PCDHGB5: variants seen among roughly 807,000 people sequenced by gnomAD.
The protein encoded by PCDHGB5 is protocadherin gamma subfamily B, 5.
In PCDHGB5, 48 loss-of-function variants were observed where a neutral mutation model predicts 62.9. The ratio of observed to expected loss-of-function variants is 0.76; its 90% CI spans 0.61 to 0.97. The LOEUF (loss-of-function observed/expected upper bound fraction) is 0.97. Ranked by LOEUF, PCDHGB5 falls within the 50% of genes least tolerant of loss-of-function variation. The pLI is 0.00. For missense variants in PCDHGB5, 1,118 were observed against 1,198.6 expected (o/e 0.93, Z 0.99); for synonymous variants, 474 against 511.2 (o/e 0.93, Z 0.98).
In PCDHGB5 at chr5:141,431,913, T is replaced by C; in HGVS notation, c.2397+31389T>C. The C allele has an allele frequency of 6.2e-7, 1 of 1,614,140 alleles. No individual in the cohort carries two copies. Among genetic ancestry groups the C allele is most frequent in the Admixed American group, 1.7e-5 (1 of 60,034 alleles). On this transcript the variant is annotated intron_variant, in intron 1 of 3. Transcript: ENST00000617380. This position sits in a 1 kb window ranked among gnomAD's most constrained non-coding sequence, Gnocchi z 4.8. The stretch of plus-strand genomic sequence containing the variant: ...GAGGAAAACGGACAGGTGATCTGTT[T>C]CATCCAAGGAAATCTGCCCTTTAAA...
chr5:141,468,055 T>G (rs2099156893), intron 1 of PCDHGB5, among the ~76,000 whole-genome samples: 1 of 152,096 alleles, frequency 6.6e-6, no homozygotes, highest in Admixed American at 6.5e-5. Flanking sequence ...CCGGGCACAG[T>G]GGCTCACACC....
intron 1 of PCDHGB5, among the ~76,000 whole-genome samples, chr5:141,455,315 T>G (rs1416163436): frequency 6.6e-6 from 1 of 152,152 alleles, no homozygotes; most frequent in Non-Finnish European, 1.5e-5. Context: ...TTAGCAATTT[T>G]GTGTGTGTGT....
intron 1 of PCDHGB5, chr5:141,413,905 C>G: frequency 6.2e-7 from 1 of 1,613,338 alleles, no homozygotes; most frequent in Non-Finnish European, 8.5e-7. Context: ...TGACAACGCG[C>G]CGGTCTTCAC....
intron 1 of PCDHGB5, chr5:141,402,843 G>A (rs1370040306): frequency 5.7e-6 from 8 of 1,399,114 alleles, no homozygotes; most frequent in Non-Finnish European, 6.6e-6. Context: ...GCAAAACTCA[G>A]CCTCTTTCTT....
At chr5:141,480,859 A>G (rs1197372110) in intron 1 of PCDHGB5, among the ~76,000 whole-genome samples, 2 of 152,178 alleles carry the variant, frequency 1.3e-5, no homozygotes, top group Non-Finnish European at 2.9e-5. Context: ...AGCCTGGCCA[A>G]TATGGTGAAA....
chr5:141,475,867 G>A (rs2099377217), intron 1 of PCDHGB5: 1 of 504,884 alleles, frequency 2.0e-6, no homozygotes, highest in Non-Finnish European at 3.5e-6. Flanking sequence ...CTCATTCTTC[G>A]TGCAGTTATT....
intron 1 of PCDHGB5, chr5:141,427,962 G>T: frequency 2.5e-6 from 4 of 1,590,100 alleles, no homozygotes; most frequent in Non-Finnish European, 3.4e-6. Flanking sequence ...TGTGCCGCGG[G>T]TGCTGTACCC....
In PCDHGB5 at chr5:141,490,499, A is replaced by G. The variant is rs1269710790; in HGVS notation, c.2398-4308A>G. On this transcript the variant is annotated intron_variant, in intron 1 of 3. Coordinates refer to ENST00000617380, the MANE Select transcript of PCDHGB5 (RefSeq NM_018925.3). The surrounding 1 kb of genome is among the most constrained non-coding windows in gnomAD (Gnocchi z 5.4). ...TTGGACCGGGAGGCCACATCCCACT[A>G]TATCATCGAGCTGCTGGCCAGCGAT... 1.2e-6 allele frequency: 2 copies of G among 1,614,148 alleles called. No homozygotes were observed. Among genetic ancestry groups the G allele is most frequent in the Non-Finnish European group, 8.5e-7 (1 of 1,180,020 alleles).
At chr5:141,415,725 T>A in intron 1 of PCDHGB5, 1 of 1,437,122 alleles carries the variant, frequency 7.0e-7, no homozygotes, top group Non-Finnish European at 9.2e-7. Context: ...TGAGTAGAAT[T>A]TGATGTTTAT....
At chr5:141,482,956 CCAGCTACTTGAG>C (rs6149271) in intron 1 of PCDHGB5, among the ~76,000 whole-genome samples, 62,216 of 151,640 alleles carry the variant, frequency 0.41, 15,336 homozygotes, top group African/African-American at 0.7. Context: ...GCCTGTAATT[CCAGCTACTTGAG>C]CAGCTACTTG....
intron 1 of PCDHGB5, chr5:141,478,265 G>A: frequency 6.2e-7 from 1 of 1,614,196 alleles, no homozygotes; most frequent in African/African-American, 1.3e-5. Context: ...CATATTCAAA[G>A]TTTACAAGTG....
At position 141,399,541 on chromosome 5, in the gene PCDHGB5, G is replaced by T. The variant is rs1301909841; in HGVS notation, c.1414G>T (p.Ala472Ser). ...PPGASIAQVC[A>S]SDLDLGLNGQ... is the part of the protein sequence containing the mutation. Reference sequence around the variant, plus strand: ...TGGGGCCTCCATCGCGCAAGTCTGCGCCTCGGACCTGGACTTGGGGTTGAA... The same window carrying T: ...TGGGGCCTCCATCGCGCAAGTCTGCTCCTCGGACCTGGACTTGGGGTTGAA... Residue 472 changes from alanine to serine, a missense_variant, in exon 1 of 4, where the codon GCC (alanine) becomes TCC (serine). By Grantham distance (99) the Ala-to-Ser change is moderately conservative. This residue lies in a region of PCDHGB5 where 1,034 missense variants were observed against 1,029.1 expected (regional missense o/e 1.00). Transcript: ENST00000617380. 1.9e-6 allele frequency: 3 copies of T among 1,613,926 alleles called. No individual in the cohort carries two copies. In the Admixed American group the frequency reaches 5.0e-5, roughly 27 times the overall value.
At chr5:141,464,279 C>CAAA (rs373828487) in intron 1 of PCDHGB5, among the ~76,000 whole-genome samples, 8 of 137,748 alleles carry the variant, frequency 5.8e-5, no homozygotes, top group Admixed American at 1.5e-4. Flanking sequence ...AAAAAAAAAG[C>CAAA]AAAAAAAAAA....
In PCDHGB5 at chr5:141,423,081, C is replaced by T. The variant is rs1393904828; in HGVS notation, c.2397+22557C>T. 3.1e-6 allele frequency: 5 copies of T among 1,613,966 alleles called. No individual in the cohort carries two copies. The African/African-American group carries it at 4.0e-5, about 13-fold the overall frequency. ...TTAAGGCCAGCGAGCCGGGACTCTT[C>T]GCGGTGGGGGAGCACACGGGCGAGG... is the stretch of plus-strand genomic sequence containing the variant. On this transcript the variant is annotated intron_variant, in intron 1 of 3. Coordinates refer to ENST00000617380, the MANE Select transcript of PCDHGB5 (RefSeq NM_018925.3).
chr5:141,439,800 T>C (rs1393580217), intron 1 of PCDHGB5: 1 of 152,300 alleles, frequency 6.6e-6, no homozygotes, highest in Admixed American at 6.5e-5. Context: ...CAAGAAGAGT[T>C]TGAAAAGGGG....
Position 141,511,451 on chromosome 5 carries a change from A to G in PCDHGB5, c.*278A>G, listed in dbSNP as rs2099883797. On this transcript the variant is annotated 3_prime_UTR_variant, in exon 4 of 4. Coordinates refer to ENST00000617380, the MANE Select transcript of PCDHGB5 (RefSeq NM_018925.3). ...GGGGTTACTGTAGACACCAAGAACC[A>G]TTTGCCACACCCCGTTTAGTTACAG... is the stretch of plus-strand genomic sequence containing the variant. The G allele has an allele frequency of 4.9e-6, 3 of 606,372 alleles. No homozygotes were observed. Among genetic ancestry groups the G allele is most frequent in the Non-Finnish European group, 8.1e-6 (3 of 368,942 alleles). The allele number at this position is 606,372 out of a possible 1,614,324, so 37.6% of individuals were successfully genotyped here.
intron 1 of PCDHGB5, among the ~76,000 whole-genome samples, chr5:141,465,683 A>G (rs2099107378): frequency 6.6e-6 from 1 of 152,236 alleles, no homozygotes; most frequent in African/African-American, 2.4e-5. Context: ...GCTCTTGACC[A>G]GTCTGCTTTT....
At chr5:141,422,503 A>G (rs2096653107) in intron 1 of PCDHGB5, 2 of 1,613,924 alleles carry the variant, frequency 1.2e-6, no homozygotes, top group Non-Finnish European at 1.7e-6. Context: ...GTTGACAGCC[A>G]CAGACCAGGG....
At chr5:141,425,842 T>G (rs2096897830) in intron 1 of PCDHGB5, among the ~76,000 whole-genome samples, 1 of 152,230 alleles carries the variant, frequency 6.6e-6, no homozygotes, top group Non-Finnish European at 1.5e-5. Context: ...TTCTCTTTGC[T>G]GGGTTAATGA....
Sources: allele counts gnomAD v4.1 joint callset (sites outside exome capture counted in the v4.1 genomes callset), GRCh38; gene constraint gnomAD v4.1.1; regional missense constraint gnomAD v4.1.1; non-coding constraint Gnocchi (gnomAD v3.1); transcripts MANE v1.5; gene names NCBI Gene and HGNC (gene_info 2026-07-23, HGNC 2026-07-21).